Variants in GOLGA4 observed in about 807,000 individuals in gnomAD.
The protein encoded by GOLGA4 is golgin subfamily A member 4.
GOLGA4 carries 169 observed loss-of-function variants against 265.9 expected under a neutral mutation model. The observed-to-expected ratio is 0.64, with a 90% CI of 0.56 to 0.72. GOLGA4 has a LOEUF of 0.72. Ranked by LOEUF, GOLGA4 falls within the 30% of genes least tolerant of loss-of-function variation. The probability of loss-of-function intolerance (pLI) is 0.00; values close to 1 mark genes in which losing one functional copy is unlikely to be tolerated. For missense variants in GOLGA4, 2,482 were observed against 2,483.4 expected (o/e 1.00, Z 0.01); for synonymous variants, 923 against 855.8 (o/e 1.08, Z -1.37).
At chr3:37,344,490 G>A (rs1578812713) in intron 20 of GOLGA4, among the ~76,000 whole-genome samples, 1 of 135,284 alleles carries the variant, frequency 7.4e-6, no homozygotes, top group Non-Finnish European at 1.6e-5. Flanking sequence ...ATACCTCACT[G>A]TCTTTTTTTT....
intron 16 of GOLGA4, among the ~76,000 whole-genome samples, chr3:37,331,030 CA>C (rs1205353359): frequency 0.019 from 1,226 of 63,088 alleles, 4 homozygotes; most frequent in African/African-American, 0.061. Context: ...GACTCCGTCT[CA>C]AAAAAAAAAA....
intron 2 of GOLGA4, among the ~76,000 whole-genome samples, chr3:37,254,311 A>C (rs1178903151): frequency 6.6e-6 from 1 of 152,160 alleles, no homozygotes; most frequent in Non-Finnish European, 1.5e-5. Context: ...TATACTCTGT[A>C]CTTTTATGCA....
intron 2 of GOLGA4, chr3:37,276,528 G>A (rs1206563332): frequency 8.1e-6 from 13 of 1,603,784 alleles, no homozygotes; most frequent in South Asian, 5.5e-5. Flanking sequence ...GTACAAACCC[G>A]TAGTGCTGAT....
intron 4 of GOLGA4, among the ~76,000 whole-genome samples, chr3:37,288,348 A>G (rs991786533): frequency 7.3e-5 from 11 of 151,430 alleles, no homozygotes; most frequent in African/African-American, 2.7e-4. Context: ...TGACCTGGTG[A>G]TCCGCCTGCC....
At chr3:37,347,002 T>C (rs2097058577) in intron 20 of GOLGA4, among the ~76,000 whole-genome samples, 191 bp from the exon 21 acceptor site, 1 of 152,228 alleles carries the variant, frequency 6.6e-6, no homozygotes, top group African/African-American at 2.4e-5. Flanking sequence ...TAGTAATTCT[T>C]GTTTTCGCTT....
intron 10 of GOLGA4, among the ~76,000 whole-genome samples, chr3:37,314,934 TAAG>T (rs2096933430): frequency 6.6e-6 from 1 of 152,190 alleles, no homozygotes; most frequent in East Asian, 1.9e-4. Context: ...ATTATATAGT[TAAG>T]AAGTTTTTAA....
At chr3:37,319,456 G>A (rs1388751805) in intron 12 of GOLGA4, 2 of 196,374 alleles carry the variant, frequency 1.0e-5, no homozygotes, top group African/African-American at 2.3e-5. Context: ...GTGCAGTGGT[G>A]AGATCTTGGC....
At position 37,326,756 on chromosome 3, in the gene GOLGA4, G is replaced by A. The variant is rs2150970144; in HGVS notation, c.4870G>A (p.Ala1624Thr). 1 of 1,613,604 alleles carries A rather than the reference G, an allele frequency of 6.2e-7. No individual in the cohort carries two copies. The highest frequency in any genetic ancestry group is 1.3e-5 in the African/African-American group (1 of 75,036). The change falls in exon 14 of 24, where the codon GCA (alanine) becomes ACA (threonine). Residue 1624 changes from alanine to threonine, a missense_variant. Ala to Thr is a moderately conservative substitution (Grantham distance 58). Transcript: ENST00000361924. Reference sequence around the variant, plus strand: ...GAAAAGCAAAGAGGAGGAGTTAAAGGCATTGGAAGATAGGCTTGAGTCAGA... The same window carrying A: ...GAAAAGCAAAGAGGAGGAGTTAAAGACATTGGAAGATAGGCTTGAGTCAGA... ...SVKSKEEELKALEDRLESESA... is the reference protein window; with the variant it reads ...SVKSKEEELKTLEDRLESESA...
intron 5 of GOLGA4, among the ~76,000 whole-genome samples, chr3:37,292,502 A>G (rs943036801): frequency 6.6e-6 from 1 of 152,154 alleles, no homozygotes; most frequent in African/African-American, 2.4e-5. Flanking sequence ...CCTGGCCAAC[A>G]TGGTGAAACC....
At chr3:37,287,335 C>T (rs778819199) in intron 4 of GOLGA4, among the ~76,000 whole-genome samples, 4 of 152,218 alleles carry the variant, frequency 2.6e-5, no homozygotes, top group African/African-American at 4.8e-5. Flanking sequence ...AGCAAGACTC[C>T]GTCTCAAAAA....
At position 37,315,413 on chromosome 3, in the gene GOLGA4, A is replaced by G. The variant is rs2096934886; in HGVS notation, c.1235-7A>G. On this transcript the variant is annotated splice_polypyrimidine_tract_variant and splice_region_variant and intron_variant, in intron 10 of 23. Coordinates refer to ENST00000361924, the MANE Select transcript of GOLGA4 (RefSeq NM_002078.5). ...GAGATACTTGTTTTCTGTTGTTTTC[A>G]TTATAGCTTTTGAGGAACTTGAAAA... 6.2e-7 allele frequency: 1 copy of G among 1,607,004 alleles called. No homozygotes were observed. Among genetic ancestry groups the G allele is most frequent in the Admixed American group, 1.7e-5 (1 of 58,074 alleles).
At chr3:37,348,792 C>T (rs954074484) in intron 21 of GOLGA4, among the ~76,000 whole-genome samples, 2 of 152,136 alleles carry the variant, frequency 1.3e-5, no homozygotes, top group Non-Finnish European at 2.9e-5. Flanking sequence ...CCTGTTTCTT[C>T]TGAAGGTTAT....
chr3:37,243,584 G>A lies in GOLGA4; in HGVS notation c.34G>A (p.Glu12Lys). The change falls in exon 1 of 24, where the codon GAG (glutamate) becomes AAG (lysine). Residue 12 changes from glutamate (E) to lysine (K), a missense_variant. Physicochemically the swap from Glu to Lys is moderately conservative, Grantham distance 56 (BLOSUM62 1). This residue lies in a region of GOLGA4 where 1,536 missense variants were observed against 1,483.7 expected (regional missense o/e 1.04). Transcript: ENST00000361924. Reference protein sequence around the residue: ...FKKLKQKISEEQQQLQQALAP... With the variant: ...FKKLKQKISEKQQQLQQALAP... The stretch of plus-strand genomic sequence containing the variant: ...GAAACTGAAGCAAAAGATCAGCGAG[G>A]AGCAGCAGCAGCTCCAGCAGGCGCT... 2 of 1,614,052 alleles carry A rather than the reference G, an allele frequency of 1.2e-6. No individual in the cohort carries two copies. Among genetic ancestry groups the A allele is most frequent in the Non-Finnish European group, 1.7e-6 (2 of 1,180,000 alleles).
intron 16 of GOLGA4, among the ~76,000 whole-genome samples, chr3:37,334,021 C>T (rs1331572474): frequency 1.3e-5 from 2 of 152,170 alleles, no homozygotes; most frequent in East Asian, 3.8e-4. Flanking sequence ...GTCTCTTGCT[C>T]AGCAAACACT....
At chr3:37,287,933 T>A (rs752549531) in intron 4 of GOLGA4, among the ~76,000 whole-genome samples, 1 of 152,158 alleles carries the variant, frequency 6.6e-6, no homozygotes, top group Non-Finnish European at 1.5e-5. Flanking sequence ...ATTACCCTAT[T>A]CCTTTACCTC....
chr3:37,295,257 AC>A (rs2096875119), intron 6 of GOLGA4, among the ~76,000 whole-genome samples, 180 bp downstream of exon 6: 1 of 151,980 alleles, frequency 6.6e-6, no homozygotes, highest in Non-Finnish European at 1.5e-5. Context: ...TTGCTCTTTC[AC>A]CCTGGCTATA....
At chr3:37,364,486 C>G (rs1265150235) in intron 23 of GOLGA4, among the ~76,000 whole-genome samples, 1 of 152,138 alleles carries the variant, frequency 6.6e-6, no homozygotes, top group Non-Finnish European at 1.5e-5. Context: ...AGGTGATCCA[C>G]CTGCCTTGGC....
intron 1 of GOLGA4, chr3:37,250,576 T>A (rs971438521): frequency 2.6e-5 from 4 of 152,208 alleles, no homozygotes; most frequent in African/African-American, 4.8e-5. Context: ...ATTTATTAAC[T>A]GCCTTTTGTA....
At position 37,340,110 on chromosome 3, in the gene GOLGA4, T is replaced by C. The variant is rs1307697562; in HGVS notation, c.6397-14T>C. 4.8e-6 allele frequency: 5 copies of C among 1,035,774 alleles called. No individual in the cohort carries two copies. Among genetic ancestry groups the C allele is most frequent in the Non-Finnish European group, 7.5e-6 (5 of 670,870 alleles). 64.2% of individuals were successfully genotyped at this position (1,035,774 alleles called of 1,614,324 possible). ...CTGTGAATCTTATATGGTCTGATTA[T>C]TTGTTATTTTTAGATTCACAATTTA... On this transcript the variant is annotated splice_polypyrimidine_tract_variant and intron_variant, in intron 19 of 23. Coordinates refer to ENST00000361924, the MANE Select transcript of GOLGA4 (RefSeq NM_002078.5).
Sources: allele counts gnomAD v4.1 joint callset (sites outside exome capture counted in the v4.1 genomes callset), GRCh38; gene constraint gnomAD v4.1.1; regional missense constraint gnomAD v4.1.1; transcripts MANE v1.5; gene names NCBI Gene and HGNC (gene_info 2026-07-23, HGNC 2026-07-21).